Variants in PDSS2 observed in about 807,000 individuals in gnomAD.
The protein encoded by PDSS2 is all trans-polyprenyl-diphosphate synthase PDSS2.
Under a neutral mutation model 44.5 loss-of-function variants are expected in PDSS2, and 31 were observed. That is an observed-to-expected ratio of 0.70 (90% CI 0.52 to 0.94). The LOEUF (loss-of-function observed/expected upper bound fraction) is 0.94. Ranked by LOEUF, PDSS2 falls within the 40% of genes least tolerant of loss-of-function variation. The pLI is 0.00. For missense variants in PDSS2, 452 were observed against 482.2 expected, an observed-to-expected ratio of 0.94 and a Z score of 0.59; for synonymous variants, 157 against 180.3, an observed-to-expected ratio of 0.87 and a Z score of 1.03.
chr6:107,278,144 C>G (rs933969587), intron 2 of PDSS2, among the ~76,000 whole-genome samples: 2 of 151,850 alleles, frequency 1.3e-5, no homozygotes, highest in African/African-American at 2.4e-5. Context: ...TAATTGATTT[C>G]CTTTGTTAAA....
intron 3 of PDSS2, among the ~76,000 whole-genome samples, chr6:107,249,365 T>C (rs1213789531): frequency 6.6e-6 from 1 of 152,190 alleles, no homozygotes. Flanking sequence ...TGAGTTTTAG[T>C]TCAACAACAA....
chr6:107,289,057 G>A (rs1439209937), intron 2 of PDSS2, among the ~76,000 whole-genome samples: 1 of 149,542 alleles, frequency 6.7e-6, no homozygotes, highest in East Asian at 2.1e-4. Flanking sequence ...GTGAGTCACC[G>A]CGCCTGGCCG....
intron 1 of PDSS2, among the ~76,000 whole-genome samples, chr6:107,350,851 A>C (rs1394576882): frequency 2.0e-5 from 3 of 152,104 alleles, no homozygotes; most frequent in African/African-American, 7.2e-5. Flanking sequence ...TCAATATTTC[A>C]GACAGTCATT....
At chr6:107,228,917 T>C (rs373759575) in intron 4 of PDSS2, among the ~76,000 whole-genome samples, 39 of 152,244 alleles carry the variant, frequency 2.6e-4, no homozygotes, top group African/African-American at 8.2e-4. Flanking sequence ...TGACAGAAGC[T>C]TGAACAAATG....
chr6:107,197,254 G>T (rs1772594120), intron 6 of PDSS2, among the ~76,000 whole-genome samples: 1 of 151,168 alleles, frequency 6.6e-6, no homozygotes, highest in African/African-American at 2.4e-5. Flanking sequence ...TGAAGGTGGG[G>T]GTGGGGTAAG....
intron 1 of PDSS2, among the ~76,000 whole-genome samples, chr6:107,391,124 T>C (rs1779766530): frequency 3.8e-3 from 1 of 264 alleles, no homozygotes; most frequent in African/African-American, 0.017. Flanking sequence ...TTGCTCACAT[T>C]TTTATATTTA....
chr6:107,154,925 G>A (rs1026490973), intron 7 of PDSS2, 148 bp from the exon 8 acceptor site: 9 of 783,858 alleles, frequency 1.1e-5, no homozygotes, highest in Non-Finnish European at 1.7e-5. Context: ...TGGAAAAGAG[G>A]ACATCATTTC....
At chr6:107,239,129 T>C (rs1774328815) in intron 4 of PDSS2, among the ~76,000 whole-genome samples, 1 of 151,848 alleles carries the variant, frequency 6.6e-6, no homozygotes, top group African/African-American at 2.4e-5. Context: ...ATACAAAAAT[T>C]AGCCGGGCAT....
At chr6:107,291,006 G>GT (rs1372539214) in intron 2 of PDSS2, among the ~76,000 whole-genome samples, 2 of 138,250 alleles carry the variant, frequency 1.4e-5, no homozygotes, top group African/African-American at 5.6e-5. Flanking sequence ...AGCTCAAACC[G>GT]TTAAAAAAAA....
At chr6:107,410,606 G>A (rs1780461429) in intron 1 of PDSS2, among the ~76,000 whole-genome samples, 1 of 151,492 alleles carries the variant, frequency 6.6e-6, no homozygotes, top group Non-Finnish European at 1.5e-5. Flanking sequence ...CTCTGCTTCG[G>A]CCTCCCAAAT....
At chr6:107,310,102 G>A (rs965464752) in intron 2 of PDSS2, among the ~76,000 whole-genome samples, 4 of 151,916 alleles carry the variant, frequency 2.6e-5, no homozygotes, top group East Asian at 3.9e-4. Context: ...TGGCTAACAC[G>A]GTGAAACCCC....
chr6:107,163,334 C>A (rs1771214726), intron 7 of PDSS2, among the ~76,000 whole-genome samples: 1 of 152,166 alleles, frequency 6.6e-6, no homozygotes, highest in African/African-American at 2.4e-5. Context: ...ATACTCAACT[C>A]CAGACTTGGG....
At chr6:107,164,872 G>C (rs1265320345) in intron 7 of PDSS2, among the ~76,000 whole-genome samples, 1 of 152,198 alleles carries the variant, frequency 6.6e-6, no homozygotes, top group African/African-American at 2.4e-5. Context: ...ACTGGTGTGA[G>C]ATGGTATCTC....
At chr6:107,293,361 C>T (rs1471949689) in intron 2 of PDSS2, among the ~76,000 whole-genome samples, 1 of 152,226 alleles carries the variant, frequency 6.6e-6, no homozygotes, top group Non-Finnish European at 1.5e-5. Context: ...GACCCCCTCT[C>T]TGACTGCAGC....
At chr6:107,198,125 A>G (rs569358529) in intron 6 of PDSS2, among the ~76,000 whole-genome samples, 2 of 152,200 alleles carry the variant, frequency 1.3e-5, no homozygotes, top group Non-Finnish European at 2.9e-5. Flanking sequence ...ATCATCTTGG[A>G]AAATTCTAGT....
intron 4 of PDSS2, among the ~76,000 whole-genome samples, chr6:107,236,758 G>A (rs928641585): frequency 2.0e-5 from 3 of 151,862 alleles, no homozygotes; most frequent in Non-Finnish European, 4.4e-5. Context: ...CATCTCAAAT[G>A]TAACATTCTT....
chr6:107,209,569 T>C (rs1304154809), intron 6 of PDSS2, among the ~76,000 whole-genome samples: 3 of 151,620 alleles, frequency 2.0e-5, no homozygotes, highest in African/African-American at 7.3e-5. Flanking sequence ...AAGCTTTTTT[T>C]TTTTTTTTTT....
intron 1 of PDSS2, among the ~76,000 whole-genome samples, 198 bp from the exon 2 acceptor site, chr6:107,334,530 G>A (rs1243717917): frequency 3.6e-3 from 2 of 554 alleles, no homozygotes; most frequent in Non-Finnish European, 0.014. Flanking sequence ...CGGCTGCGTT[G>A]TTGTTGTTGT....
chr6:107,336,257 GAAAA>G (rs780156049), intron 1 of PDSS2, among the ~76,000 whole-genome samples: 1 of 69,068 alleles, frequency 1.4e-5, no homozygotes, highest in African/African-American at 4.7e-5. Context: ...TTCCGTCTCA[GAAAA>G]AAAAAAAAAA....
Sources: allele counts gnomAD v4.1 joint callset (sites outside exome capture counted in the v4.1 genomes callset), GRCh38; gene constraint gnomAD v4.1.1; transcripts MANE v1.5; gene names NCBI Gene and HGNC (gene_info 2026-07-23, HGNC 2026-07-21).